AMMECR1L: variants seen among roughly 807,000 people sequenced by gnomAD.
AMMECR1L encodes AMMECR1-like protein.
A neutral mutation model predicts 36.8 loss-of-function variants in AMMECR1L; 4 were observed. That is an observed-to-expected ratio of 0.11 (90% confidence interval 0.05 to 0.25). The LOEUF is 0.25. Ranked by LOEUF, AMMECR1L falls within the 10% of genes least tolerant of loss-of-function variation. The probability of loss-of-function intolerance (pLI) is 1.00; values close to 1 mark genes in which losing one functional copy is unlikely to be tolerated. For missense variants in AMMECR1L, 232 were observed against 392.1 expected (o/e 0.59, Z 3.45); for synonymous variants, 147 against 148.0 (o/e 0.99, Z 0.05).
At chr2:127,870,779 G>C (rs769812179) in intron 5 of AMMECR1L, 35 bp downstream of exon 5, 4 of 1,535,222 alleles carry the variant, frequency 2.6e-6, no homozygotes, top group Admixed American at 1.8e-5. Context: ...CAAATGCAAC[G>C]AGAGATGCAG....
At chr2:127,870,179 G>T (rs914534480) in intron 5 of AMMECR1L, among the ~76,000 whole-genome samples, 3 of 152,162 alleles carry the variant, frequency 2.0e-5, no homozygotes, top group Admixed American at 6.5e-5. Context: ...GCTGGGTGTG[G>T]TGGCACGCGA....
At chr2:127,875,766 C>T (rs1691204733) in intron 2 of AMMECR1L, among the ~76,000 whole-genome samples, 2 of 149,278 alleles carry the variant, frequency 1.3e-5, no homozygotes, top group Non-Finnish European at 3.0e-5. Flanking sequence ...TCTCTCTTTC[C>T]CTCTCCTCCC....
At position 127,864,415 on chromosome 2, in the gene AMMECR1L, C is replaced by T. The variant is rs1334358186; in HGVS notation, c.*679G>A. The T allele has an allele frequency of 2.6e-5, 4 of 152,562 alleles. No individual in the cohort carries two copies. Among genetic ancestry groups the T allele is most frequent in the African/African-American group, 4.8e-5 (2 of 41,416 alleles). 9.5% of individuals were successfully genotyped at this position (152,562 alleles called of 1,614,324 possible). On this transcript the variant is annotated 3_prime_UTR_variant, in exon 8 of 8. Transcript: ENST00000272647. ...CAATGCAGGAAGAGTGCCAGAAAAT[C>T]CAACTGAGAGTGGGATGAGGATGAA...
In AMMECR1L at chr2:127,885,371, G is replaced by A. The variant is rs1350294084; in HGVS notation, c.-149+439C>T. Reference sequence around the variant, plus strand: ...ATGGAGCGACGGGTAGAGCAGCTTGGGCCGAGCCGCGGGGGTGGAATCCAG... The same window carrying A: ...ATGGAGCGACGGGTAGAGCAGCTTGAGCCGAGCCGCGGGGGTGGAATCCAG... On this transcript the variant is annotated intron_variant, in intron 1 of 7. Coordinates refer to ENST00000272647, the MANE Select transcript of AMMECR1L (RefSeq NM_001199140.2). 1.3e-5 allele frequency: 13 copies of A among 982,072 alleles called. No individual in the cohort carries two copies. In the East Asian group the frequency reaches 3.5e-4, roughly 26 times the overall value. 60.8% of individuals were successfully genotyped at this position (982,072 alleles called of 1,614,324 possible).
At position 127,865,232 on chromosome 2, in the gene AMMECR1L, T is replaced by G; in HGVS notation, c.822-27A>C. 3.2e-6 allele frequency: 5 copies of G among 1,544,144 alleles called. No homozygotes were observed. The highest frequency in any genetic ancestry group is 4.5e-6 in the Non-Finnish European group (5 of 1,123,120). ...TGTATGAGGAAACAGGAAAGGGTAT[T>G]AGGAACCCCAAACGCTTCATTTTGT... On this transcript the variant is annotated intron_variant, in intron 7 of 7. Transcript: ENST00000272647. This position sits in a 1 kb window ranked among gnomAD's most constrained non-coding sequence, Gnocchi z 5.4.
chr2:127,875,487 A>G (rs1228436104), intron 2 of AMMECR1L, among the ~76,000 whole-genome samples: 2 of 152,188 alleles, frequency 1.3e-5, no homozygotes, highest in African/African-American at 2.4e-5. Flanking sequence ...TTAGGCATTG[A>G]TCTACAAATA....
intron 2 of AMMECR1L, among the ~76,000 whole-genome samples, chr2:127,882,047 T>C (rs756896560): frequency 1.3e-5 from 2 of 152,220 alleles, no homozygotes; most frequent in Non-Finnish European, 2.9e-5. Context: ...TAAAATGCTA[T>C]TATTGTAGAC....
At chr2:127,868,657 C>T (rs143550468) in intron 6 of AMMECR1L, among the ~76,000 whole-genome samples, 1 of 152,192 alleles carries the variant, frequency 6.6e-6, no homozygotes, top group African/African-American at 2.4e-5. Context: ...TCTAGATATT[C>T]TTTTAAAGAC....
rs1037144424 is a variant in AMMECR1L, at chr2:127,862,782, T to G, written c.*2312A>C. 10 of 145,698 alleles carry G rather than the reference T, an allele frequency of 6.9e-5. No homozygotes were observed. The highest frequency in any genetic ancestry group is 2.5e-4 in the African/African-American group (10 of 40,764). The allele number at this position is 145,698 out of a possible 1,614,324, so 9.0% of individuals were successfully genotyped here. On this transcript the variant is annotated 3_prime_UTR_variant, in exon 8 of 8. Transcript: ENST00000272647. ...CTGGGCCTAACCAGCCCAATTCTTG[T>G]GCACTGATTTTTTTTTCCCCATTTC...
rs1225693463 is a variant in AMMECR1L, at chr2:127,863,823, G to A, written c.*1271C>T. The A allele has an allele frequency of 6.5e-6, 1 of 152,672 alleles. No individual in the cohort carries two copies. Among genetic ancestry groups the A allele is most frequent in the Non-Finnish European group, 1.5e-5 (1 of 68,046 alleles). The allele number at this position is 152,672 out of a possible 1,614,324, so 9.5% of individuals were successfully genotyped here. On this transcript the variant is annotated 3_prime_UTR_variant, in exon 8 of 8. Transcript: ENST00000272647. ...ACCAAATGAGTGAAGAATAGGCAAG[G>A]AGAGAGGAAAAAATTGCTGACAGCG...
chr2:127,874,072 C>T lies in AMMECR1L; in HGVS notation c.163G>A (p.Val55Met), dbSNP rs753107419. 1 of 1,614,254 alleles carries T rather than the reference C, an allele frequency of 6.2e-7. No individual in the cohort carries two copies. The highest frequency in any genetic ancestry group is 8.5e-7 in the Non-Finnish European group (1 of 1,180,054). ...TTCTCCCGTCCACTGCTGCTGTCCA[C>T]ATGCTGGTGGTTTTGAAGAGGTCCT... ...SSGPLQNHQH[V>M]DSSSGRENVS... Residue 55 changes from valine (V) to methionine (M), a missense_variant, in exon 3 of 8, where the codon GTG becomes ATG. Physicochemically the swap from Val to Met is conservative, Grantham distance 21. This residue lies in a region of AMMECR1L where 109 missense variants were observed against 128.1 expected (regional missense o/e 0.85). Transcript: ENST00000272647. This position sits in a 1 kb window ranked among gnomAD's most constrained non-coding sequence, Gnocchi z 5.2.
chr2:127,871,334 C>T lies in AMMECR1L; in HGVS notation c.433G>A (p.Gly145Arg). Residue 145 changes from glycine to arginine, a missense_variant, in exon 4 of 8, where the codon GGG (glycine) becomes AGG (arginine). Around this residue, in one of 3 missense-constraint regions of AMMECR1L, gnomAD observed 83 missense variants for 229.5 expected, o/e 0.36. Transcript: ENST00000272647. This position sits in a 1 kb window ranked among gnomAD's most constrained non-coding sequence, Gnocchi z 4.3. ...PYPLFVTWKT[G>R]RDKRLRGCIG... is the part of the protein sequence containing the mutation. ...CAGCCACGAAGCCGCTTGTCCCGCCCTGTCTTCCACGTCACAAAGAGCGGA... is the reference window on the plus strand; with the variant it reads ...CAGCCACGAAGCCGCTTGTCCCGCCTTGTCTTCCACGTCACAAAGAGCGGA... 1.2e-6 allele frequency: 2 copies of T among 1,614,082 alleles called. No homozygotes were observed. Among genetic ancestry groups the T allele is most frequent in the Non-Finnish European group, 1.7e-6 (2 of 1,180,048 alleles).
At chr2:127,877,683 G>A (rs752823022) in intron 2 of AMMECR1L, among the ~76,000 whole-genome samples, 10 of 152,106 alleles carry the variant, frequency 6.6e-5, no homozygotes, top group Non-Finnish European at 1.0e-4. Flanking sequence ...TGTATGGCCT[G>A]GAACTACAAG....
intron 2 of AMMECR1L, among the ~76,000 whole-genome samples, chr2:127,882,423 A>ATAAT (rs1691544182): frequency 1.3e-5 from 2 of 152,244 alleles, no homozygotes; most frequent in Admixed American, 6.5e-5. Flanking sequence ...CACCTGAGCT[A>ATAAT]TAATTCTGTC....
intron 5 of AMMECR1L, among the ~76,000 whole-genome samples, chr2:127,870,472 T>C (rs1482809231): frequency 2.0e-5 from 3 of 150,016 alleles, no homozygotes; most frequent in Non-Finnish European, 3.0e-5. Flanking sequence ...CGAAATTCCA[T>C]CTCAAAAAAA....
chr2:127,882,901 ATT>A (rs35596458), intron 2 of AMMECR1L, among the ~76,000 whole-genome samples: 40 of 132,828 alleles, frequency 3.0e-4, no homozygotes, highest in African/African-American at 2.8e-4. Context: ...TGTGCCCAGA[ATT>A]TTTTTTTTTT....
In AMMECR1L at chr2:127,869,387, T is replaced by C. The variant is rs1424589611; in HGVS notation, c.724+67A>G. 6.9e-7 allele frequency: 1 copy of C among 1,459,582 alleles called. No individual in the cohort carries two copies. The highest frequency in any genetic ancestry group is 2.3e-5 in the East Asian group (1 of 44,008). 90.4% of individuals were successfully genotyped at this position (1,459,582 alleles called of 1,614,324 possible). On this transcript the variant is annotated intron_variant, in intron 6 of 7. Coordinates refer to ENST00000272647, the MANE Select transcript of AMMECR1L (RefSeq NM_001199140.2). The surrounding 1 kb of genome is among the most constrained non-coding windows in gnomAD (Gnocchi z 4.7). ...GGGCTGCAAGATGACACACTTCACT[T>C]TCTTGCCCTTTAACTGGCACCACTG...
intron 6 of AMMECR1L, among the ~76,000 whole-genome samples, chr2:127,868,650 A>T (rs148888250): frequency 2.0e-5 from 3 of 152,202 alleles, no homozygotes; most frequent in Non-Finnish European, 4.4e-5. Flanking sequence ...GTACCCTTCT[A>T]GATATTCTTT....
At chr2:127,875,320 G>A (rs1211177389) in intron 2 of AMMECR1L, among the ~76,000 whole-genome samples, 1 of 152,074 alleles carries the variant, frequency 6.6e-6, no homozygotes, top group Non-Finnish European at 1.5e-5. Context: ...TCTAAGTACA[G>A]AAAACTAAGT....
Sources: allele counts gnomAD v4.1 joint callset (sites outside exome capture counted in the v4.1 genomes callset), GRCh38; gene constraint gnomAD v4.1.1; regional missense constraint gnomAD v4.1.1; non-coding constraint Gnocchi (gnomAD v3.1); transcripts MANE v1.5; gene names NCBI Gene and HGNC (gene_info 2026-07-23, HGNC 2026-07-21).